PSPC1: variants seen among roughly 807,000 people sequenced by gnomAD.
The protein encoded by PSPC1 is paraspeckle protein 1.
In PSPC1, 14 loss-of-function variants were observed where a neutral mutation model predicts 51.6. The observed-to-expected ratio is 0.27, with a 90% confidence interval of 0.18 to 0.42. PSPC1 has a LOEUF of 0.42. PSPC1 is among the 10% of genes least tolerant of loss of function. The probability of loss-of-function intolerance (pLI) is 1.00; values close to 1 mark genes in which losing one functional copy is unlikely to be tolerated. For missense variants in PSPC1, 406 were observed against 701.1 expected, an observed-to-expected ratio of 0.58 and a Z score of 4.75; for synonymous variants, 193 against 231.9, an observed-to-expected ratio of 0.83 and a Z score of 1.53.
rs1886859398 is a variant in PSPC1 at position 19,754,326 on chromosome 13, T to C, written c.771-2859A>G. Among the ~76,000 whole-genome samples, 5 of 151,930 alleles carry C rather than the reference T, an allele frequency of 3.3e-5. No individual in the cohort carries two copies. In the South Asian group the frequency reaches 1.0e-3, roughly 31 times the overall value. ...GTCTCCAACTCCTGATCTCAGGTGA[T>C]CCACCCACTTTGGCCTCCCAAAGTG... On this transcript the variant is annotated intron_variant, in intron 3 of 8. Coordinates refer to ENST00000338910, the MANE Select transcript of PSPC1 (RefSeq NM_001354909.2).
chr13:19,679,984 G>A (rs1454629746), intron 6 of PSPC1, among the ~76,000 whole-genome samples: 12 of 152,224 alleles, frequency 7.9e-5, no homozygotes, highest in Non-Finnish European at 1.3e-4. Flanking sequence ...CCAAGTTTTA[G>A]TTGTCAATAT....
chr13:19,759,681 T>C (rs575733993), intron 2 of PSPC1, among the ~76,000 whole-genome samples: 59 of 151,950 alleles, frequency 3.9e-4, no homozygotes, highest in Non-Finnish European at 6.6e-4. Flanking sequence ...GCCAACATGG[T>C]GAAATTCCAT....
intron 2 of PSPC1, among the ~76,000 whole-genome samples, chr13:19,764,625 A>T (rs2138239371): frequency 6.8e-6 from 1 of 146,586 alleles, no homozygotes; most frequent in Admixed American, 7.2e-5. Context: ...ATTCCAGGTT[A>T]CAATGAGCTA....
At chr13:19,696,047 G>C (rs1879187205) in intron 6 of PSPC1, among the ~76,000 whole-genome samples, 1 of 152,166 alleles carries the variant, frequency 6.6e-6, no homozygotes, top group Non-Finnish European at 1.5e-5. Context: ...CTGAACAGAA[G>C]AAATGGGGGA....
In PSPC1 at chr13:19,773,915, C is replaced by T. The variant is rs184177792; in HGVS notation, c.373-1372G>A. ...TCAAACAGTCCTCTCGCCTTAGCCTCCCAAAGTGTAAGATTACAGGTGTGA... is the reference window on the plus strand; with the variant it reads ...TCAAACAGTCCTCTCGCCTTAGCCTTCCAAAGTGTAAGATTACAGGTGTGA... On this transcript the variant is annotated intron_variant, in intron 1 of 8. Transcript: ENST00000338910. Among the ~76,000 whole-genome samples the T allele has an allele frequency of 1.3e-3, 198 of 152,228 alleles. 1 individual carries two copies. Among genetic ancestry groups the T allele is most frequent in the African/African-American group, 4.5e-3 (186 of 41,548 alleles).
At chr13:19,773,708 G>C (rs1365527117) in intron 1 of PSPC1, among the ~76,000 whole-genome samples, 1 of 151,924 alleles carries the variant, frequency 6.6e-6, no homozygotes, top group Non-Finnish European at 1.5e-5. Context: ...GCCCAGGCTG[G>C]AGTACAGTGG....
At chr13:19,686,014 G>A (rs749822566) in intron 6 of PSPC1, among the ~76,000 whole-genome samples, 2 of 152,124 alleles carry the variant, frequency 1.3e-5, no homozygotes, top group Non-Finnish European at 2.9e-5. Context: ...TGCCAACAGT[G>A]ATCTTTGCAG....
chr13:19,777,927 C>CA (rs1889343226), intron 1 of PSPC1, among the ~76,000 whole-genome samples: 1 of 149,792 alleles, frequency 6.7e-6, no homozygotes. Flanking sequence ...GCCTGGGCGA[C>CA]AGAGTGAGAC....
downstream of PSPC1, among the ~76,000 whole-genome samples, chr13:19,698,802 A>C (rs1879552131): frequency 1.3e-5 from 2 of 151,992 alleles, no homozygotes; most frequent in African/African-American, 2.4e-5. Context: ...TTTCTTGAAA[A>C]AGATTTTGTT....
intron 8 of PSPC1, among the ~76,000 whole-genome samples, chr13:19,704,223 A>G (rs1450198233): frequency 2.6e-5 from 4 of 152,292 alleles, no homozygotes; most frequent in Non-Finnish European, 5.9e-5. Context: ...TAGCTTTCAA[A>G]CATATCACTA....
rs200338756 is a variant in PSPC1, at chr13:19,694,408, C to A, written c.1159-16585G>T. On this transcript the variant is annotated intron_variant and NMD_transcript_variant, in intron 6 of 7. Transcript: ENST00000471658. ...AGCCACATTAAAGGAGGGAAAAAAGCAACAGGTGAAATTAGCTTAATTATA... is the reference window on the plus strand; with the variant it reads ...AGCCACATTAAAGGAGGGAAAAAAGAAACAGGTGAAATTAGCTTAATTATA... Among the ~76,000 whole-genome samples the A allele has an allele frequency of 1.1e-4, 16 of 152,020 alleles. No homozygotes were observed. In the East Asian group the frequency reaches 2.9e-3, roughly 28 times the overall value.
intron 5 of PSPC1, among the ~76,000 whole-genome samples, chr13:19,739,883 A>C (rs1212583030): frequency 1.3e-5 from 2 of 150,530 alleles, no homozygotes; most frequent in African/African-American, 2.4e-5. Flanking sequence ...AAAAAAAAAC[A>C]GTAGTTCTCA....
intron 2 of PSPC1, among the ~76,000 whole-genome samples, chr13:19,766,707 T>A (rs1197239416): frequency 6.6e-6 from 1 of 151,734 alleles, no homozygotes; most frequent in Non-Finnish European, 1.5e-5. Context: ...AATCGTTAGT[T>A]AACTGGGTGT....
chr13:19,696,117 C>T (rs187875883), intron 6 of PSPC1, among the ~76,000 whole-genome samples: 17 of 152,036 alleles, frequency 1.1e-4, no homozygotes, highest in Admixed American at 9.8e-4. Context: ...CAAACCAAAC[C>T]CATTTATGTT....
chr13:19,728,997 A>AT (rs1565999840), intron 6 of PSPC1, among the ~76,000 whole-genome samples: 1 of 152,130 alleles, frequency 6.6e-6, no homozygotes, highest in African/African-American at 2.4e-5. Context: ...ATCATTTCTA[A>AT]TATTCTTCTT....
intron 5 of PSPC1, among the ~76,000 whole-genome samples, chr13:19,732,833 A>G (rs1413764980): frequency 1.3e-5 from 2 of 151,814 alleles, no homozygotes; most frequent in Non-Finnish European, 2.9e-5. Context: ...AGGCTGACGC[A>G]GGAGAATCGC....
intron 7 of PSPC1, among the ~76,000 whole-genome samples, chr13:19,676,738 C>G (rs1022450406): frequency 3.9e-5 from 6 of 152,098 alleles, no homozygotes; most frequent in Non-Finnish European, 8.8e-5. Flanking sequence ...TTTAGTATCA[C>G]CAGACAAAAG....
intron 6 of PSPC1, among the ~76,000 whole-genome samples, chr13:19,692,902 T>C (rs1317859868): frequency 2.0e-5 from 3 of 152,222 alleles, no homozygotes; most frequent in Admixed American, 6.5e-5. Context: ...GCTGGATCCC[T>C]GATCTATGTG....
At chr13:19,688,962 TAAAA>T (rs67276894) in intron 6 of PSPC1, among the ~76,000 whole-genome samples, 1 of 54,362 alleles carries the variant, frequency 1.8e-5, no homozygotes, top group African/African-American at 3.9e-5. Context: ...GATAAACTCT[TAAAA>T]AAAAAAAAAA....
Sources: allele counts gnomAD v4.1 joint callset (sites outside exome capture counted in the v4.1 genomes callset), GRCh38; gene constraint gnomAD v4.1.1; transcripts MANE v1.5; gene names NCBI Gene and HGNC (gene_info 2026-07-23, HGNC 2026-07-21).